Variants in NKAIN2 observed in about 807,000 individuals in gnomAD.
The protein encoded by NKAIN2 is sodium/potassium-transporting ATPase subunit beta-1-interacting protein 2.
A neutral mutation model predicts 32.6 loss-of-function variants in NKAIN2; 14 were observed. That is an observed-to-expected ratio of 0.43 (90% CI 0.28 to 0.67). The LOEUF is 0.67. Among genes scored for constraint, NKAIN2 ranks in the 30% least tolerant of loss-of-function variants. The probability of loss-of-function intolerance (pLI) is 0.17; values close to 1 mark genes in which losing one functional copy is unlikely to be tolerated. For synonymous variants in NKAIN2, 80 were observed against 87.2 expected (o/e 0.92, Z 0.46); for missense variants, 198 against 258.3 (o/e 0.77, Z 1.60).
chr6:124,060,791 A>G (rs1055564463), intron 1 of NKAIN2, among the ~76,000 whole-genome samples: 1 of 152,200 alleles, frequency 6.6e-6, no homozygotes, highest in Non-Finnish European at 1.5e-5. Context: ...TAAAAAATAT[A>G]AAACAATAGA....
rs951381470 is a variant in NKAIN2, at chr6:124,618,703, A to G, written c.274-39483A>G. The stretch of plus-strand genomic sequence containing the variant: ...GTTCTAAAAGACAAAGATATTTAGC[A>G]GGAGAAACTTACCGGCAATGAGAAC... On this transcript the variant is annotated intron_variant, in intron 3 of 6. Transcript: ENST00000368417. Among the ~76,000 whole-genome samples, 6 of 152,350 alleles carry G rather than the reference A, an allele frequency of 3.9e-5. No individual in the cohort carries two copies. In the East Asian group the frequency reaches 1.2e-3, roughly 29 times the overall value.
chr6:124,409,299 T>G (rs372031866), intron 3 of NKAIN2, among the ~76,000 whole-genome samples: 2 of 152,308 alleles, frequency 1.3e-5, no homozygotes, highest in East Asian at 3.9e-4. Flanking sequence ...CTTCCAGTTT[T>G]TGCCCATTCA....
At chr6:124,283,185 G>T in intron 2 of NKAIN2, 43 bp downstream of exon 2, 1 of 1,431,504 alleles carries the variant, frequency 7.0e-7, no homozygotes, top group South Asian at 1.2e-5. Flanking sequence ...TTGAACTAGA[G>T]AATGATGTGC....
At chr6:124,523,635 G>T (rs960358931) in intron 3 of NKAIN2, among the ~76,000 whole-genome samples, 2 of 152,058 alleles carry the variant, frequency 1.3e-5, no homozygotes, top group South Asian at 2.1e-4. Context: ...TCATTTTGAC[G>T]TATGAAAGGG....
intron 1 of NKAIN2, among the ~76,000 whole-genome samples, chr6:123,809,372 T>TA (rs1183147757): frequency 6.6e-6 from 1 of 152,120 alleles, no homozygotes; most frequent in African/African-American, 2.4e-5. Flanking sequence ...ATAAGTACTC[T>TA]ATTTATTCCT....
chr6:124,522,415 T>C (rs1182158905), intron 3 of NKAIN2, among the ~76,000 whole-genome samples: 2 of 152,188 alleles, frequency 1.3e-5, no homozygotes, highest in African/African-American at 4.8e-5. Flanking sequence ...GAAATTATAG[T>C]GGTGAGCATT....
intron 2 of NKAIN2, among the ~76,000 whole-genome samples, chr6:124,342,279 G>A (rs1192766022): frequency 2.0e-5 from 3 of 151,152 alleles, no homozygotes; most frequent in Non-Finnish European, 4.4e-5. Context: ...CGTGGTGGTG[G>A]GCACCTGTAG....
chr6:124,712,504 A>G (rs9482570), intron 4 of NKAIN2, among the ~76,000 whole-genome samples: 41 of 98,960 alleles, frequency 4.1e-4, no homozygotes, highest in African/African-American at 5.2e-4. Flanking sequence ...AGCCAGGTGC[A>G]GGATATAATC....
intron 3 of NKAIN2, among the ~76,000 whole-genome samples, chr6:124,412,876 G>C (rs1047293587): frequency 6.6e-6 from 1 of 152,184 alleles, no homozygotes; most frequent in African/African-American, 2.4e-5. Flanking sequence ...GGCAATGGCG[G>C]GCGCCCCTCC....
chr6:124,811,120 T>C (rs1021685161), intron 5 of NKAIN2, among the ~76,000 whole-genome samples: 2 of 152,210 alleles, frequency 1.3e-5, no homozygotes, highest in African/African-American at 4.8e-5. Context: ...AATTCATACC[T>C]ATGGAAATAA....
intron 4 of NKAIN2, among the ~76,000 whole-genome samples, chr6:124,773,599 A>G (rs1458508423): frequency 6.6e-6 from 1 of 152,164 alleles, no homozygotes; most frequent in African/African-American, 2.4e-5. Context: ...AATACCAGGT[A>G]CAAATTACAA....
At chr6:123,829,514 G>A (rs1774288434) in intron 1 of NKAIN2, among the ~76,000 whole-genome samples, 1 of 152,164 alleles carries the variant, frequency 6.6e-6, no homozygotes, top group South Asian at 2.1e-4. Flanking sequence ...TGATGAGTCA[G>A]GGAAGTTAAT....
intron 1 of NKAIN2, among the ~76,000 whole-genome samples, chr6:123,901,692 T>C (rs1384913768): frequency 1.3e-5 from 2 of 152,306 alleles, no homozygotes. Context: ...GAAACATCAC[T>C]CAGTTCTCTT....
intron 1 of NKAIN2, among the ~76,000 whole-genome samples, chr6:123,872,521 G>C (rs1442905254): frequency 1.3e-5 from 2 of 152,186 alleles, no homozygotes; most frequent in East Asian, 3.9e-4. Flanking sequence ...TGGACTGAAG[G>C]CACAGCAGGT....
chr6:124,628,905 G>GTA, intron 3 of NKAIN2, among the ~76,000 whole-genome samples: 1 of 152,212 alleles, frequency 6.6e-6, no homozygotes, highest in East Asian at 1.9e-4. Context: ...AAAAGATATA[G>GTA]TATGTGTCTA....
intron 1 of NKAIN2, among the ~76,000 whole-genome samples, chr6:123,956,683 G>C (rs1582840156): frequency 6.6e-6 from 1 of 152,168 alleles, no homozygotes; most frequent in African/African-American, 2.4e-5. Context: ...CCCCTCCATT[G>C]TTGTGTCTTC....
intron 1 of NKAIN2, among the ~76,000 whole-genome samples, chr6:124,204,710 T>C (rs802227): frequency 0.58 from 87,205 of 151,444 alleles, 27,684 homozygotes; most frequent in Non-Finnish European, 0.71. Context: ...ATGATTAGAT[T>C]GCTAGCATAT....
intron 1 of NKAIN2, among the ~76,000 whole-genome samples, chr6:123,982,383 T>TGACTTTAGGTTA (rs1382363136): frequency 6.6e-6 from 1 of 152,156 alleles, no homozygotes; most frequent in East Asian, 1.9e-4. Flanking sequence ...TAAAGAAAGG[T>TGACTTTAGGTTA]GACTTTAGGT....
chr6:124,230,376 A>G (rs1479322932), intron 1 of NKAIN2, among the ~76,000 whole-genome samples: 2 of 152,200 alleles, frequency 1.3e-5, no homozygotes, highest in Non-Finnish European at 2.9e-5. Context: ...TTGCAGCCTG[A>G]CAATGTGATA....
Sources: gnomAD v4.1 joint callset for allele counts (sites outside exome capture counted in the v4.1 genomes callset) on GRCh38, gnomAD v4.1.1 for gene constraint, MANE v1.5 for transcripts, NCBI Gene and HGNC (gene_info 2026-07-23, HGNC 2026-07-21) for gene names.